DACH2: variants seen among roughly 807,000 people sequenced by gnomAD.
The protein encoded by DACH2 is dachshund homolog 2.
A neutral mutation model predicts 35.8 loss-of-function variants in DACH2; 17 were observed. The ratio of observed to expected loss-of-function variants is 0.48; its 90% CI spans 0.33 to 0.71. The LOEUF (loss-of-function observed/expected upper bound fraction) is 0.71, where lower values mean the gene tolerates loss of function less well. Ranked by LOEUF, DACH2 falls within the 30% of genes least tolerant of loss-of-function variation. The pLI, the probability that DACH2 is intolerant of heterozygous loss-of-function variation, is 0.02. For synonymous variants in DACH2, 195 were observed against 177.3 expected (o/e 1.10, Z -0.79); for missense variants, 469 against 472.7 (o/e 0.99, Z 0.07).
At chrX:86,366,575 C>T (rs1345549481) in intron 1 of DACH2, among the ~76,000 whole-genome samples, 1 of 111,111 alleles carries the variant, frequency 9.0e-6, no homozygotes, top group Non-Finnish European at 1.9e-5. Context: ...AATAACCCCA[C>T]TTAGAATATT....
intron 1 of DACH2, among the ~76,000 whole-genome samples, chrX:86,189,764 A>T (rs758954390): frequency 8.9e-6 from 1 of 112,071 alleles, no homozygotes; most frequent in Admixed American, 9.5e-5. Context: ...GTATTGAAAC[A>T]TCTTAAAAAT....
chrX:86,485,337 G>T (rs1401363244), intron 2 of DACH2, among the ~76,000 whole-genome samples: 1 of 111,212 alleles, frequency 9.0e-6, no homozygotes, highest in Non-Finnish European at 1.9e-5. Context: ...TCTCATAGAA[G>T]TAGAAAGTAG....
intron 1 of DACH2, among the ~76,000 whole-genome samples, chrX:86,200,777 CA>C (rs2032134364): frequency 1.8e-5 from 2 of 110,090 alleles, no homozygotes; most frequent in African/African-American, 6.6e-5. Context: ...ATGAAAAAGT[CA>C]AAAAAATAAC....
chrX:86,283,936 T>C (rs1199576371), intron 1 of DACH2, among the ~76,000 whole-genome samples: 3 of 110,763 alleles, frequency 2.7e-5, no homozygotes, highest in Non-Finnish European at 5.7e-5. Flanking sequence ...TCCTGCTGAC[T>C]TTTGTGCATT....
chrX:86,458,791 C>T (rs1480125270), intron 2 of DACH2, among the ~76,000 whole-genome samples: 1 of 111,261 alleles, frequency 9.0e-6, no homozygotes, highest in Admixed American at 9.6e-5. Flanking sequence ...AGAGGCATTA[C>T]TTATGATTTA....
chrX:86,486,823 A>T (rs1163160499), intron 2 of DACH2, among the ~76,000 whole-genome samples: 1 of 112,050 alleles, frequency 8.9e-6, no homozygotes, highest in Admixed American at 9.5e-5. Context: ...TCATGGAACT[A>T]TTTAGAGAAT....
chrX:86,332,647 A>T (rs1165961984), intron 1 of DACH2, among the ~76,000 whole-genome samples: 1 of 112,068 alleles, frequency 8.9e-6, no homozygotes, highest in African/African-American at 3.2e-5. Context: ...ACCTGAAAAA[A>T]ATGTACTGAT....
At chrX:86,645,742 CT>C (rs2148402345) in intron 3 of DACH2, among the ~76,000 whole-genome samples, 1 of 111,122 alleles carries the variant, frequency 9.0e-6, no homozygotes, top group South Asian at 3.7e-4. Context: ...AAGATCATGC[CT>C]TTTTGGGGAA....
In DACH2 at chrX:86,593,851, C is replaced by T. The variant is rs1023419031; in HGVS notation, c.641-57185C>T. 4.5e-5 allele frequency among the ~76,000 whole-genome samples: 5 copies of T among 111,213 alleles called. No homozygotes were observed. In the South Asian group the frequency reaches 1.9e-3, roughly 42 times the overall value. On this transcript the variant is annotated intron_variant, in intron 3 of 11. Coordinates refer to ENST00000373125, the MANE Select transcript of DACH2 (RefSeq NM_053281.3). ...TATCTGTTTTTTTATTAGGGTATCA[C>T]TGGCCTCATAGAATTAGTGAGGAAG...
chrX:86,657,908 T>G (rs985394619), intron 4 of DACH2, among the ~76,000 whole-genome samples: 2 of 111,744 alleles, frequency 1.8e-5, no homozygotes, highest in African/African-American at 6.5e-5. Context: ...GGATCATATT[T>G]TATTTTCTCA....
rs750702885 is a variant in DACH2, at chrX:86,679,033, C to T, written c.773-15988C>T. On this transcript the variant is annotated intron_variant, in intron 4 of 11. Coordinates refer to ENST00000373125, the MANE Select transcript of DACH2 (RefSeq NM_053281.3). ...GCTACACCTAGGCAACTGTATCTTCCACCATCCTCCCTGTCCTACACAGTC... is the reference window on the plus strand; with the variant it reads ...GCTACACCTAGGCAACTGTATCTTCTACCATCCTCCCTGTCCTACACAGTC... 1.7e-3 allele frequency among the ~76,000 whole-genome samples: 185 copies of T among 111,656 alleles called. 1 individual carries two copies. The highest frequency in any genetic ancestry group is 4.4e-3 in the African/African-American group (136 of 30,743).
At chrX:86,757,330 T>G (rs889676090) in intron 7 of DACH2, among the ~76,000 whole-genome samples, 1 of 111,618 alleles carries the variant, frequency 9.0e-6, no homozygotes, top group Non-Finnish European at 1.9e-5. Flanking sequence ...GCCTGTAGTT[T>G]TCTTTTTTTG....
chrX:86,684,955 T>C (rs772543004), intron 4 of DACH2, among the ~76,000 whole-genome samples: 1 of 111,889 alleles, frequency 8.9e-6, no homozygotes, highest in South Asian at 3.7e-4. Flanking sequence ...TTTTAACTAA[T>C]AAATTTTATT....
chrX:86,669,909 T>C (rs2148423676), intron 4 of DACH2, among the ~76,000 whole-genome samples: 1 of 111,325 alleles, frequency 9.0e-6, no homozygotes, highest in African/African-American at 3.3e-5. Context: ...GGTTTTTTTT[T>C]TAAATGGTAT....
At chrX:86,271,514 T>A (rs1283784133) in intron 1 of DACH2, among the ~76,000 whole-genome samples, 1 of 111,765 alleles carries the variant, frequency 8.9e-6, no homozygotes, top group Non-Finnish European at 1.9e-5. Context: ...AGATTAGAAA[T>A]GTAAAGAATC....
intron 2 of DACH2, among the ~76,000 whole-genome samples, chrX:86,398,986 G>T (rs893281928): frequency 1.2e-4 from 13 of 111,500 alleles, no homozygotes; most frequent in Non-Finnish European, 2.3e-4. Flanking sequence ...ACAGTGGGGT[G>T]TTAAAGTCTC....
At chrX:86,161,165 G>T (rs1602243248) in intron 1 of DACH2, 1 of 1,152,085 alleles carries the variant, frequency 8.7e-7, no homozygotes, top group Non-Finnish European at 1.2e-6. Flanking sequence ...ATCTCTTCTG[G>T]CTGCAGGGTG....
rs34140706 is a variant in DACH2, at chrX:86,624,060, CAAAAAAAAAA to C, written c.641-26963_641-26954del. ...GAAACTCCGTCTCAAAAAAACAAAA[CAAAAAAAAAA>C]AAAAAAAAAAAAGTGGCTGTGCAGT... On this transcript the variant is annotated intron_variant, in intron 3 of 11. Coordinates refer to ENST00000373125, the MANE Select transcript of DACH2 (RefSeq NM_053281.3). Among the ~76,000 whole-genome samples the C allele has an allele frequency of 8.0e-4, 29 of 36,051 alleles. 2 individuals carry two copies. Among genetic ancestry groups the C allele is most frequent in the Middle Eastern group, 0.05 (2 of 40 alleles). The allele number at this position is 36,051 out of a possible 115,157, so 31.3% of individuals were successfully genotyped here.
chrX:86,814,858 C>T (rs1447948514), intron 10 of DACH2, 24 bp downstream of exon 10: 1 of 1,180,021 alleles, frequency 8.5e-7, no homozygotes, highest in African/African-American at 1.8e-5. Context: ...TGGATTTTCA[C>T]ACTCAAGGTA....
Sources: allele counts gnomAD v4.1 joint callset (sites outside exome capture counted in the v4.1 genomes callset), GRCh38; gene constraint gnomAD v4.1.1; transcripts MANE v1.5; gene names NCBI Gene and HGNC (gene_info 2026-07-23, HGNC 2026-07-21).